The following DST variants were observed in gnomAD, a reference collection of about 807,000 sequenced individuals.
DST encodes bullous pemphigoid antigen.
Under a neutral mutation model 875.2 loss-of-function variants are expected in DST, and 253 were observed. The observed-to-expected ratio is 0.29, with a 90% CI of 0.26 to 0.32. The LOEUF is 0.32. Among genes scored for constraint, DST ranks in the 10% least tolerant of loss-of-function variants. DST has a pLI of 1.00. For synonymous variants in DST, 3,124 were observed against 3,197.1 expected (o/e 0.98, Z 0.77); for missense variants, 8,287 against 9,111.6 (o/e 0.91, Z 3.68).
chr6:56,773,929 C>G (rs62411367), intron 4 of DST, among the ~76,000 whole-genome samples: 19,015 of 151,706 alleles, frequency 0.13, 1,639 homozygotes, highest in Middle Eastern at 0.2. Flanking sequence ...ACCAGTTTGG[C>G]CAACATGGTG....
At chr6:56,711,365 G>C (rs1157456848) in intron 5 of DST, among the ~76,000 whole-genome samples, 3 of 152,032 alleles carry the variant, frequency 2.0e-5, no homozygotes, top group Non-Finnish European at 2.9e-5. Flanking sequence ...TTTTTAAATA[G>C]GTAACTTTTC....
rs150613204 is a variant in DST, at chr6:56,908,606, C to T, written c.217-7985G>A. 6.1e-3 allele frequency among the ~76,000 whole-genome samples: 931 copies of T among 152,256 alleles called. 13 individuals are homozygous for T. The highest frequency in any genetic ancestry group is 0.021 in the African/African-American group (882 of 41,546). ...AGGCGTTTGAACCAGAGCAACTCCACCTTAAACAGGAGCTAGGTAAAATGA... is the reference window on the plus strand; with the variant it reads ...AGGCGTTTGAACCAGAGCAACTCCATCTTAAACAGGAGCTAGGTAAAATGA... On this transcript the variant is annotated intron_variant, in intron 2 of 103. Transcript: ENST00000680361.
intron 4 of DST, among the ~76,000 whole-genome samples, chr6:56,810,810 C>A (rs1443252712): frequency 6.6e-6 from 1 of 151,912 alleles, no homozygotes; most frequent in African/African-American, 2.4e-5. Context: ...TTAAGAAGAA[C>A]AAGATACAGC....
At chr6:56,472,890 C>G (rs974963185) in intron 93 of DST, among the ~76,000 whole-genome samples, 2 of 152,178 alleles carry the variant, frequency 1.3e-5, no homozygotes, top group Non-Finnish European at 2.9e-5. Context: ...ATGACCTTAA[C>G]AAATTTTTCT....
chr6:56,673,291 A>C (rs2099111820), intron 9 of DST, among the ~76,000 whole-genome samples: 1 of 152,132 alleles, frequency 6.6e-6, no homozygotes, highest in African/African-American at 2.4e-5. Context: ...AAATAAAAGA[A>C]AAGAAAAAGT....
chr6:56,532,495 A>G lies in DST; in HGVS notation c.16957T>C (p.Leu5653=). ...IQEQKLLQRL[L]DDRKSTVEVI... ...TCCACCGTAGATTTTCGGTCATCCA[A>G]CAATCTCTGGAGAAGCTTGAGACAA... The change falls in exon 64 of 104, where the codon TTG becomes CTG. Residue 5653 remains leucine, a synonymous_variant. Transcript: ENST00000680361. 1 of 1,600,746 alleles carries G rather than the reference A, an allele frequency of 6.2e-7. No individual in the cohort carries two copies. Among genetic ancestry groups the G allele is most frequent in the Non-Finnish European group, 8.5e-7 (1 of 1,173,124 alleles).
chr6:56,592,623 GAATA>G (rs2098299232), intron 48 of DST, among the ~76,000 whole-genome samples: 1 of 152,112 alleles, frequency 6.6e-6, no homozygotes, highest in South Asian at 2.1e-4. Flanking sequence ...TCTTAACATA[GAATA>G]AAAGATAAAG....
chr6:56,866,831 G>A (rs1774365878), intron 3 of DST, among the ~76,000 whole-genome samples: 1 of 152,094 alleles, frequency 6.6e-6, no homozygotes, highest in Non-Finnish European at 1.5e-5. Context: ...TTGTGAAATG[G>A]GAAAATGAAC....
At chr6:56,806,801 C>G (rs1003818117) in intron 4 of DST, among the ~76,000 whole-genome samples, 1 of 152,114 alleles carries the variant, frequency 6.6e-6, no homozygotes, top group Non-Finnish European at 1.5e-5. Context: ...TTCACTTAAC[C>G]CTTAGACAAA....
intron 2 of DST, among the ~76,000 whole-genome samples, chr6:56,909,009 CCTTTACTTT>C (rs142797958): frequency 0.017 from 2,571 of 152,254 alleles, 77 homozygotes; most frequent in African/African-American, 0.058. Context: ...TTCTTCTATT[CCTTTACTTT>C]CTTAATAAAC....
At chr6:56,710,482 A>G (rs1307125498) in intron 5 of DST, among the ~76,000 whole-genome samples, 1 of 152,234 alleles carries the variant, frequency 6.6e-6, no homozygotes, top group Admixed American at 6.5e-5. Context: ...AGTGAAAATT[A>G]TAAATTAAAA....
At chr6:56,805,080 T>C (rs1432351871) in intron 4 of DST, among the ~76,000 whole-genome samples, 1 of 152,132 alleles carries the variant, frequency 6.6e-6, no homozygotes, top group Admixed American at 6.5e-5. Flanking sequence ...ATTACTTTTG[T>C]CTGTAAAACA....
intron 36 of DST, chr6:56,618,279 G>GT (rs2098649255): frequency 3.1e-6 from 5 of 1,613,960 alleles, no homozygotes; most frequent in African/African-American, 2.7e-5. Flanking sequence ...TCCAATGGCT[G>GT]TGGTTCTTGA....
chr6:56,754,623 T>A (rs181001422), intron 4 of DST, among the ~76,000 whole-genome samples: 1 of 152,156 alleles, frequency 6.6e-6, no homozygotes, highest in Non-Finnish European at 1.5e-5. Flanking sequence ...CCAAGAGCTA[T>A]GTAAACACAG....
At chr6:56,469,024 A>C in intron 97 of DST, 25 bp from the exon 98 acceptor site, 1 of 1,560,600 alleles carries the variant, frequency 6.4e-7, no homozygotes, top group Non-Finnish European at 8.7e-7. Flanking sequence ...AAATGGAAGA[A>C]AGACACAATT....
chr6:56,640,402 G>A lies in DST; in HGVS notation c.2231C>T (p.Ser744Phe), dbSNP rs755712974. ...TQSLTPSLTSSSMTSGLSSGM... is the reference protein window; with the variant it reads ...TQSLTPSLTSFSMTSGLSSGM... The stretch of plus-strand genomic sequence containing the variant: ...TGATGACAGGCCAGAAGTCATACTA[G>A]AAGAGGTTAGGGAAGGTGTTAAACT... The change falls in exon 18 of 104, where the codon TCT (serine) becomes TTT (phenylalanine). Residue 744 changes from serine (S) to phenylalanine (F), a missense_variant. Around this residue, in one of 10 missense-constraint regions of DST, gnomAD observed 1,160 missense variants for 1,424.3 expected, o/e 0.81. Transcript: ENST00000680361. 1 of 1,614,182 alleles carries A rather than the reference G, an allele frequency of 6.2e-7. No homozygotes were observed. Among genetic ancestry groups the A allele is most frequent in the East Asian group, 2.2e-5 (1 of 44,882 alleles).
intron 4 of DST, among the ~76,000 whole-genome samples, chr6:56,791,400 C>G (rs1297965016): frequency 6.6e-6 from 1 of 151,820 alleles, no homozygotes; most frequent in Non-Finnish European, 1.5e-5. Flanking sequence ...CTGCTGGGAA[C>G]CAGGGATATA....
chr6:56,702,058 A>G (rs1318299619), intron 7 of DST, 93 bp from the exon 8 acceptor site: 4 of 757,012 alleles, frequency 5.3e-6, no homozygotes, highest in South Asian at 1.8e-5. Context: ...TAATATATCA[A>G]AACAGTATTT....
rs542156657 is a variant in DST at position 56,531,847 on chromosome 6, T to C, written c.17108+497A>G. 3.4e-4 allele frequency among the ~76,000 whole-genome samples: 52 copies of C among 151,774 alleles called. No homozygotes were observed. In the South Asian group the frequency reaches 4.0e-3, roughly 12 times the overall value. On this transcript the variant is annotated intron_variant, in intron 64 of 103. Coordinates refer to ENST00000680361, the MANE Select transcript of DST (RefSeq NM_001374736.1). ...GCACCCTTCCACCTTCTTTGTTTCC[T>C]AGCTCCCATTCCCCTCTAAAACTTA...
Sources: allele counts gnomAD v4.1 joint callset (sites outside exome capture counted in the v4.1 genomes callset), GRCh38; gene constraint gnomAD v4.1.1; regional missense constraint gnomAD v4.1.1; transcripts MANE v1.5; gene names NCBI Gene and HGNC (gene_info 2026-07-23, HGNC 2026-07-21).